HS3ST5: variants seen among roughly 807,000 people sequenced by gnomAD.
HS3ST5 encodes heparan sulfate-glucosamine 3-sulfotransferase 5.
A neutral mutation model predicts 25.4 loss-of-function variants in HS3ST5; 10 were observed. That is an observed-to-expected ratio of 0.39 (90% CI 0.24 to 0.67). HS3ST5 has a LOEUF of 0.67. HS3ST5 is among the 30% of genes least tolerant of loss of function. The pLI, the probability that HS3ST5 is intolerant of heterozygous loss-of-function variation, is 0.44. For synonymous variants in HS3ST5, 170 were observed against 162.4 expected (o/e 1.05, Z -0.36); for missense variants, 324 against 420.7 (o/e 0.77, Z 2.01).
At chr6:114,132,193 G>C (rs1227748630) in intron 3 of HS3ST5, 1 of 152,158 alleles carries the variant, frequency 6.6e-6, no homozygotes, top group Middle Eastern at 3.2e-3. Context: ...ATAGACAGCT[G>C]ATTTGTAATC....
At chr6:114,258,056 G>A (rs1415276603) in intron 1 of HS3ST5, among the ~76,000 whole-genome samples, 2 of 152,120 alleles carry the variant, frequency 1.3e-5, no homozygotes, top group Non-Finnish European at 2.9e-5. Context: ...ACCATGCCCA[G>A]CTTGTTTCTA....
At chr6:114,104,334 CTCA>C (rs751244059) in intron 3 of HS3ST5, among the ~76,000 whole-genome samples, 4 of 152,154 alleles carry the variant, frequency 2.6e-5, no homozygotes, top group Non-Finnish European at 5.9e-5. Flanking sequence ...CAAATACACA[CTCA>C]TCATTTCTTT....
intron 3 of HS3ST5, among the ~76,000 whole-genome samples, chr6:114,110,822 C>G (rs898558025): frequency 1.3e-5 from 2 of 152,106 alleles, no homozygotes; most frequent in Non-Finnish European, 2.9e-5. Context: ...AATGTAGTGG[C>G]TTCAATTAGT....
At chr6:114,305,449 T>C (rs896623909) in intron 1 of HS3ST5, among the ~76,000 whole-genome samples, 7 of 152,126 alleles carry the variant, frequency 4.6e-5, no homozygotes, top group African/African-American at 1.7e-4. Context: ...AGCTTGACAG[T>C]TGTTCTTTCA....
At chr6:114,065,385 C>A (rs1773391834) in intron 3 of HS3ST5, among the ~76,000 whole-genome samples, 1 of 152,164 alleles carries the variant, frequency 6.6e-6, no homozygotes. Context: ...GGGCTCTGAT[C>A]CTTGTTGAAA....
At chr6:114,099,896 G>A (rs1775637164) in intron 3 of HS3ST5, among the ~76,000 whole-genome samples, 1 of 152,044 alleles carries the variant, frequency 6.6e-6, no homozygotes, top group Non-Finnish European at 1.5e-5. Flanking sequence ...TATATAGTTA[G>A]TCAATATTTA....
chr6:114,151,702 C>G (rs1778457144), intron 3 of HS3ST5, among the ~76,000 whole-genome samples: 1 of 152,196 alleles, frequency 6.6e-6, no homozygotes, highest in Admixed American at 6.5e-5. Flanking sequence ...CCAATAAATT[C>G]CAATATATTT....
At chr6:114,265,510 T>C (rs937979386) in intron 1 of HS3ST5, among the ~76,000 whole-genome samples, 1 of 152,076 alleles carries the variant, frequency 6.6e-6, no homozygotes, top group East Asian at 1.9e-4. Flanking sequence ...AGTTTGAAGA[T>C]AGAAGCTCAC....
chr6:114,145,744 G>A (rs1238189835), intron 3 of HS3ST5, among the ~76,000 whole-genome samples: 3 of 152,216 alleles, frequency 2.0e-5, no homozygotes, highest in Non-Finnish European at 4.4e-5. Flanking sequence ...CAGGGCTCGT[G>A]TGGGGGTGCT....
At chr6:114,208,361 C>T (rs975963447) in intron 2 of HS3ST5, among the ~76,000 whole-genome samples, 1 of 152,140 alleles carries the variant, frequency 6.6e-6, no homozygotes, top group African/African-American at 2.4e-5. Context: ...TCAACATAGG[C>T]ACTGTCCACA....
chr6:114,314,780 AC>A (rs1775682439), intron 1 of HS3ST5, among the ~76,000 whole-genome samples: 1 of 152,224 alleles, frequency 6.6e-6, no homozygotes, highest in Non-Finnish European at 1.5e-5. Flanking sequence ...TCATAGATAA[AC>A]AGTAGGTACA....
intron 1 of HS3ST5, among the ~76,000 whole-genome samples, chr6:114,327,279 T>C (rs1356678233): frequency 6.6e-6 from 1 of 152,190 alleles, no homozygotes; most frequent in African/African-American, 2.4e-5. Flanking sequence ...GGATTCCCCA[T>C]TGTTTACCTG....
In HS3ST5 at chr6:114,056,147, T is replaced by G. The variant is rs1021220347; in HGVS notation, c.*1110A>C. ...ATAAAATGGTGATTCTTCTATGCCT[T>G]GATTCTGTTAAAATATTCCTTGTCT... is the stretch of plus-strand genomic sequence containing the variant. On this transcript the variant is annotated 3_prime_UTR_variant, in exon 5 of 5. Coordinates refer to ENST00000312719, the MANE Select transcript of HS3ST5 (RefSeq NM_153612.4). 2.6e-5 allele frequency: 4 copies of G among 152,242 alleles called. No homozygotes were observed. Among genetic ancestry groups the G allele is most frequent in the African/African-American group, 9.6e-5 (4 of 41,462 alleles). 9.4% of individuals were successfully genotyped at this position (152,242 alleles called of 1,614,324 possible).
intron 2 of HS3ST5, among the ~76,000 whole-genome samples, chr6:114,172,349 C>T (rs11963144): frequency 9.2e-5 from 14 of 152,286 alleles, no homozygotes; most frequent in African/African-American, 3.4e-4. Context: ...GTAACACATA[C>T]AAATATTCCT....
intron 3 of HS3ST5, among the ~76,000 whole-genome samples, chr6:114,140,925 A>G (rs1777873385): frequency 6.6e-6 from 1 of 152,230 alleles, no homozygotes. Flanking sequence ...TAAATTGAAG[A>G]AATATACCCA....
At chr6:114,212,250 C>T (rs1781539439) in intron 2 of HS3ST5, among the ~76,000 whole-genome samples, 1 of 152,180 alleles carries the variant, frequency 6.6e-6, no homozygotes, top group African/African-American at 2.4e-5. Context: ...TGGCCTTCTG[C>T]AAAGTTGTAG....
chr6:114,246,731 A>G (rs1461721564), intron 1 of HS3ST5, among the ~76,000 whole-genome samples: 2 of 152,220 alleles, frequency 1.3e-5, no homozygotes, highest in Admixed American at 1.3e-4. Context: ...TAGACCTTAC[A>G]CAACTTCTGA....
At chr6:114,295,735 G>A (rs1019975357) in intron 1 of HS3ST5, among the ~76,000 whole-genome samples, 1 of 152,166 alleles carries the variant, frequency 6.6e-6, no homozygotes, top group Non-Finnish European at 1.5e-5. Flanking sequence ...TATTCTTAAT[G>A]ACAGTGCCCC....
chr6:114,293,720 T>TA (rs1774686184), intron 1 of HS3ST5, among the ~76,000 whole-genome samples: 1 of 152,220 alleles, frequency 6.6e-6, no homozygotes, highest in Non-Finnish European at 1.5e-5. Flanking sequence ...AGCTGACAGA[T>TA]ACTACCTTGG....
Sources: allele counts gnomAD v4.1 joint callset (sites outside exome capture counted in the v4.1 genomes callset), GRCh38; gene constraint gnomAD v4.1.1; transcripts MANE v1.5; gene names NCBI Gene and HGNC (gene_info 2026-07-23, HGNC 2026-07-21).